Variants in CAMSAP1 observed in about 807,000 individuals in gnomAD.
The protein encoded by CAMSAP1 is calmodulin-regulated spectrin-associated protein 1.
Under a neutral mutation model 143.5 loss-of-function variants are expected in CAMSAP1, and 58 were observed. The observed-to-expected ratio is 0.40, with a 90% CI of 0.33 to 0.50. The LOEUF (loss-of-function observed/expected upper bound fraction) is 0.50, where lower values mean the gene tolerates loss of function less well. Among genes scored for constraint, CAMSAP1 ranks in the 20% least tolerant of loss-of-function variants. CAMSAP1 has a pLI of 0.45. For missense variants in CAMSAP1, 1,969 were observed against 2,115.7 expected, an observed-to-expected ratio of 0.93 and a Z score of 1.36; for synonymous variants, 945 against 859.3, an observed-to-expected ratio of 1.10 and a Z score of -1.74.
chr9:135,881,904 G>A lies in CAMSAP1; in HGVS notation c.424-110C>T, dbSNP rs148368868. 960 of 1,299,344 alleles carry A rather than the reference G, an allele frequency of 7.4e-4. 1 individual carries two copies. Among genetic ancestry groups the A allele is most frequent in the African/African-American group, 5.2e-3 (350 of 67,762 alleles). The allele number at this position is 1,299,344 out of a possible 1,614,324, so 80.5% of individuals were successfully genotyped here. ...TTCTGGCCTAATTTCTTCATCCCTC[G>A]CCCTTTCCGTCTGAAGAGATACTCA... On this transcript the variant is annotated intron_variant, in intron 2 of 16. Transcript: ENST00000389532.
intron 1 of CAMSAP1, among the ~76,000 whole-genome samples, chr9:135,898,611 G>A (rs1352229389): frequency 5.9e-5 from 9 of 152,098 alleles, no homozygotes; most frequent in Admixed American, 5.9e-4. Context: ...TGGCCAATAA[G>A]CATATAAAAA....
Position 135,818,681 on chromosome 9 carries a change from G to A in CAMSAP1, c.3960-65C>T, listed in dbSNP as rs1036469452. ...GCTTCTTCCACGACGCCTGCGCCGC[G>A]GCGCTCTGTCCAGGCGCGTTTCTCG... is the stretch of plus-strand genomic sequence containing the variant. On this transcript the variant is annotated intron_variant, in intron 12 of 16. Transcript: ENST00000389532. The surrounding 1 kb of genome is among the most constrained non-coding windows in gnomAD (Gnocchi z 7.7). 2.6e-6 allele frequency: 4 copies of A among 1,554,140 alleles called. No homozygotes were observed. The highest frequency in any genetic ancestry group is 1.2e-5 in the South Asian group (1 of 85,290).
intron 7 of CAMSAP1, among the ~76,000 whole-genome samples, chr9:135,835,162 A>G (rs1237644759): frequency 2.6e-5 from 4 of 152,066 alleles, no homozygotes; most frequent in Non-Finnish European, 2.9e-5. Flanking sequence ...ACGTGTACTA[A>G]CAGGAGGCCC....
In CAMSAP1 at chr9:135,855,747, T is replaced by TAAA. The variant is rs1564442475; in HGVS notation, c.809-5287_809-5286insTTT. Among the ~76,000 whole-genome samples the TAAA allele has an allele frequency of 6.5e-5, 7 of 107,332 alleles. 1 individual carries two copies. The highest frequency in any genetic ancestry group is 2.9e-4 in the African/African-American group (7 of 24,552). The allele number at this position is 107,332 out of a possible 152,430, so 70.4% of individuals were successfully genotyped here. On this transcript the variant is annotated intron_variant, in intron 5 of 16. Transcript: ENST00000389532. ...TGACTAAGGGAGACTTCATCTCAAT[T>TAAA]TAAAAAAAAAAAAAAAAAAAAAAGG...
intron 3 of CAMSAP1, among the ~76,000 whole-genome samples, chr9:135,877,811 C>CA (rs565206807): frequency 6.6e-5 from 10 of 151,044 alleles, no homozygotes; most frequent in East Asian, 2.0e-4. Context: ...ACTCTGTCTC[C>CA]AAAAAAACAA....
intron 11 of CAMSAP1, 25 bp from the exon 12 acceptor site, chr9:135,819,171 C>G: frequency 6.3e-7 from 1 of 1,589,866 alleles, no homozygotes; most frequent in Non-Finnish European, 8.6e-7. Context: ...CCACACAGAG[C>G]ATGACAGGAA....
intron 1 of CAMSAP1, among the ~76,000 whole-genome samples, chr9:135,900,371 G>A (rs1206248020): frequency 5.9e-5 from 9 of 151,950 alleles, no homozygotes; most frequent in Non-Finnish European, 7.4e-5. Flanking sequence ...GTGATGGGAC[G>A]AGAGTGACTG....
At chr9:135,835,377 T>C (rs916109629) in intron 7 of CAMSAP1, among the ~76,000 whole-genome samples, 2 of 152,040 alleles carry the variant, frequency 1.3e-5, no homozygotes, top group African/African-American at 2.4e-5. Context: ...GCAATCACCA[T>C]GGCAAGGGGA....
chr9:135,862,382 T>C, intron 5 of CAMSAP1, 85 bp downstream of exon 5: 1 of 1,368,250 alleles, frequency 7.3e-7, no homozygotes, highest in Non-Finnish European at 9.7e-7. Context: ...TCTTTTTTTT[T>C]TTTAATATAT....
At chr9:135,843,111 T>C (rs1291864482) in intron 7 of CAMSAP1, among the ~76,000 whole-genome samples, 6 of 152,078 alleles carry the variant, frequency 3.9e-5, no homozygotes, top group Non-Finnish European at 7.4e-5. Flanking sequence ...GTGAATTACC[T>C]GAGGTCGGGA....
At position 135,809,691 on chromosome 9, in the gene CAMSAP1, G is replaced by A. The variant is rs1834972542; in HGVS notation, c.*1618C>T. On this transcript the variant is annotated 3_prime_UTR_variant, in exon 17 of 17. Coordinates refer to ENST00000389532, the MANE Select transcript of CAMSAP1 (RefSeq NM_015447.4). Reference sequence around the variant, plus strand: ...AATAAAGCCCACGTGTGAAAGTATGGTAACAGAAAGCTCACTCAGGACTGT... The same window carrying A: ...AATAAAGCCCACGTGTGAAAGTATGATAACAGAAAGCTCACTCAGGACTGT... 1 of 152,630 alleles carries A rather than the reference G, an allele frequency of 6.6e-6. No individual in the cohort carries two copies. 9.5% of individuals were successfully genotyped at this position (152,630 alleles called of 1,614,324 possible).
chr9:135,875,458 G>A (rs905838871), intron 3 of CAMSAP1, among the ~76,000 whole-genome samples: 25 of 151,992 alleles, frequency 1.6e-4, no homozygotes, highest in Non-Finnish European at 3.2e-4. Flanking sequence ...TGACCCACCC[G>A]CCTCAGCCTC....
In CAMSAP1 at chr9:135,816,013, C is replaced by A; in HGVS notation, c.4272-8G>T. ...GCTTCCATCGATTCCACTCTGCAGG[C>A]AGAAACAGACAAGAGACAGGCAGGT... On this transcript the variant is annotated splice_polypyrimidine_tract_variant and splice_region_variant and intron_variant, in intron 14 of 16. Coordinates refer to ENST00000389532, the MANE Select transcript of CAMSAP1 (RefSeq NM_015447.4). The A allele has an allele frequency of 6.2e-7, 1 of 1,612,456 alleles. No individual in the cohort carries two copies. The highest frequency in any genetic ancestry group is 8.5e-7 in the Non-Finnish European group (1 of 1,179,326).
Position 135,822,791 on chromosome 9 carries a change from C to T in CAMSAP1, c.1870G>A (p.Val624Met), listed in dbSNP as rs370692483. ...ERGEGRPRSIVSRRPSEGPQP... is the reference protein window; with the variant it reads ...ERGEGRPRSIMSRRPSEGPQP... ...GGGCCCTCGCTGGGCCTCCTAGACA[C>T]GATGCTCCTCGGTCTCCCTTCCCCC... is the stretch of plus-strand genomic sequence containing the variant. Residue 624 changes from valine (V) to methionine (M), a missense_variant, in exon 11 of 17, where the codon GTG (valine) becomes ATG (methionine). Coordinates refer to ENST00000389532, the MANE Select transcript of CAMSAP1 (RefSeq NM_015447.4). The surrounding 1 kb of genome is among the most constrained non-coding windows in gnomAD (Gnocchi z 6.1). The T allele has an allele frequency of 1.3e-5, 21 of 1,613,812 alleles. No homozygotes were observed. The African/African-American group carries it at 2.4e-4, about 18-fold the overall frequency.
In CAMSAP1 at chr9:135,820,212, T is replaced by A. The variant is rs1016755036; in HGVS notation, c.3822+627A>T. ...GTAAGTAACTGTGTATCAAAATCTA[T>A]CTAAACATTGAAAAACTACCACGAA... On this transcript the variant is annotated intron_variant, in intron 11 of 16. Transcript: ENST00000389532. This position sits in a 1 kb window ranked among gnomAD's most constrained non-coding sequence, Gnocchi z 4.4. 6.6e-6 allele frequency among the ~76,000 whole-genome samples: 1 copy of A among 152,128 alleles called. No individual in the cohort carries two copies. Among genetic ancestry groups the A allele is most frequent in the African/African-American group, 2.4e-5 (1 of 41,422 alleles).
intron 5 of CAMSAP1, among the ~76,000 whole-genome samples, chr9:135,855,837 G>C (rs191535308): frequency 1.3e-5 from 2 of 151,850 alleles, no homozygotes; most frequent in African/African-American, 4.8e-5. Context: ...CGGATCACAA[G>C]GTCAGGAGAT....
At position 135,823,131 on chromosome 9, in the gene CAMSAP1, A is replaced by C. The variant is rs1244732784; in HGVS notation, c.1530T>G (p.Asn510Lys). The C allele has an allele frequency of 6.2e-7, 1 of 1,613,736 alleles. No homozygotes were observed. Among genetic ancestry groups the C allele is most frequent in the South Asian group, 1.1e-5 (1 of 91,068 alleles). The part of the protein sequence containing the change: ...SKDSLASNIV[N>K]LTPQNQPHPT... ...GGTGTGGCTGGTTCTGTGGGGTCAG[A>C]TTAACAATGTTGGATGCCAAACTGT... The change falls in exon 11 of 17, where the codon AAT becomes AAG. Residue 510 changes from asparagine to lysine, a missense_variant. Asn to Lys is a moderately conservative substitution (Grantham distance 94). Coordinates refer to ENST00000389532, the MANE Select transcript of CAMSAP1 (RefSeq NM_015447.4).
intron 7 of CAMSAP1, among the ~76,000 whole-genome samples, chr9:135,834,061 C>T (rs1372223263): frequency 6.6e-6 from 1 of 152,094 alleles, no homozygotes; most frequent in Non-Finnish European, 1.5e-5. Flanking sequence ...TGAAGAGTTG[C>T]TCAACATGGC....
At chr9:135,850,725 G>A (rs950835313) in intron 5 of CAMSAP1, among the ~76,000 whole-genome samples, 7 of 152,270 alleles carry the variant, frequency 4.6e-5, no homozygotes, top group Non-Finnish European at 5.9e-5. Context: ...CTCAAGAGTG[G>A]GCTTCCAAAA....
Sources: allele counts gnomAD v4.1 joint callset (sites outside exome capture counted in the v4.1 genomes callset), GRCh38; gene constraint gnomAD v4.1.1; non-coding constraint Gnocchi (gnomAD v3.1); transcripts MANE v1.5; gene names NCBI Gene and HGNC (gene_info 2026-07-23, HGNC 2026-07-21).